The following DLGAP2 variants were observed in gnomAD, a reference collection of about 807,000 sequenced individuals.
The protein encoded by DLGAP2 is disks large-associated protein 2.
Under a neutral mutation model 100.3 loss-of-function variants are expected in DLGAP2, and 26 were observed. That is an observed-to-expected ratio of 0.26 (90% CI 0.19 to 0.36). DLGAP2 has a LOEUF of 0.36. Among genes scored for constraint, DLGAP2 ranks in the 10% least tolerant of loss-of-function variants. The probability of loss-of-function intolerance (pLI) is 1.00; values close to 1 mark genes in which losing one functional copy is unlikely to be tolerated. For synonymous variants in DLGAP2, 886 were observed against 630.1 expected, an observed-to-expected ratio of 1.41 and a Z score of -6.08; for missense variants, 1,858 against 1,453.2, an observed-to-expected ratio of 1.28 and a Z score of -4.53.
At chr8:1,223,129 G>T (rs1467870023) in intron 2 of DLGAP2, among the ~76,000 whole-genome samples, 1 of 152,096 alleles carries the variant, frequency 6.6e-6, no homozygotes, top group African/African-American at 2.4e-5. Flanking sequence ...GTGAAGAGTG[G>T]GCCACTCCAT....
At chr8:1,503,801 G>T (rs185004622) in intron 4 of DLGAP2, among the ~76,000 whole-genome samples, 8 of 152,306 alleles carry the variant, frequency 5.3e-5, no homozygotes, top group African/African-American at 1.9e-4. Flanking sequence ...GCTCTGGAAA[G>T]AAGGAAATGA....
chr8:1,236,960 C>G (rs868699685), intron 2 of DLGAP2, among the ~76,000 whole-genome samples: 1 of 134,788 alleles, frequency 7.4e-6, no homozygotes. Flanking sequence ...GTGTCTAGTT[C>G]TCTCACATGG....
intron 2 of DLGAP2, among the ~76,000 whole-genome samples, chr8:917,772 G>T (rs375650664): frequency 1.4e-4 from 22 of 151,940 alleles, no homozygotes; most frequent in African/African-American, 5.1e-4. Context: ...GTAGAGATTG[G>T]GTTTCACCGT....
At chr8:1,161,061 A>G (rs1027092486) in intron 2 of DLGAP2, among the ~76,000 whole-genome samples, 1 of 152,248 alleles carries the variant, frequency 6.6e-6, no homozygotes, top group African/African-American at 2.4e-5. Context: ...AAAAATTGAT[A>G]AGACACTTTG....
At chr8:1,005,134 T>C (rs969019853) in intron 2 of DLGAP2, among the ~76,000 whole-genome samples, 1 of 152,232 alleles carries the variant, frequency 6.6e-6, no homozygotes, top group African/African-American at 2.4e-5. Context: ...GTAGTGTCAC[T>C]GGTGCATCTA....
At chr8:1,603,075 C>T (rs1233791489) in intron 6 of DLGAP2, among the ~76,000 whole-genome samples, 11 of 140,956 alleles carry the variant, frequency 7.8e-5, no homozygotes, top group South Asian at 2.4e-4. Flanking sequence ...AGGGTGGAAG[C>T]TGGGTCTCAG....
At chr8:1,321,620 T>C (rs1563081987) in intron 3 of DLGAP2, among the ~76,000 whole-genome samples, 1 of 152,364 alleles carries the variant, frequency 6.6e-6, no homozygotes, top group Non-Finnish European at 1.5e-5. Context: ...GGATACTTTT[T>C]TTCATTTTCA....
At chr8:1,382,333 C>T (rs1796116246) in intron 3 of DLGAP2, among the ~76,000 whole-genome samples, 3 of 152,238 alleles carry the variant, frequency 2.0e-5, no homozygotes, top group African/African-American at 7.2e-5. Flanking sequence ...AGGGGTTGTT[C>T]CCACAGTCTC....
At chr8:1,213,886 C>A (rs1359714679) in intron 2 of DLGAP2, among the ~76,000 whole-genome samples, 1 of 152,214 alleles carries the variant, frequency 6.6e-6, no homozygotes, top group African/African-American at 2.4e-5. Context: ...TCCGCCCCAT[C>A]ACTCGGGTCC....
chr8:1,614,743 T>A (rs1218590446), intron 6 of DLGAP2, among the ~76,000 whole-genome samples: 2 of 152,220 alleles, frequency 1.3e-5, no homozygotes, highest in Admixed American at 6.5e-5. Flanking sequence ...TAAAATGTAA[T>A]AATGGGGAGT....
rs756564381 is a variant in DLGAP2 at position 1,701,397 on chromosome 8, C to G, written c.3159C>G (p.Thr1053=). ...AGATCTACATCCCCGAGGCCCAGAC[C>G]CGGCTCTGAGGGCGGAGGCCGGCGC... ...SIEIYIPEAQ[T]RL The change falls in exon 15 of 15, where the codon ACC becomes ACG. Residue 1053 remains threonine, a synonymous_variant. Transcript: ENST00000637795. The G allele has an allele frequency of 6.3e-7, 1 of 1,590,738 alleles. No homozygotes were observed. Among genetic ancestry groups the G allele is most frequent in the Admixed American group, 1.8e-5 (1 of 57,106 alleles).
At chr8:1,192,165 G>C (rs1318522510) in intron 2 of DLGAP2, among the ~76,000 whole-genome samples, 1 of 152,304 alleles carries the variant, frequency 6.6e-6, no homozygotes, top group South Asian at 2.1e-4. Context: ...TGGGCTTGGA[G>C]CTGTGGGTGG....
At chr8:1,167,700 A>C (rs1293765093) in intron 2 of DLGAP2, among the ~76,000 whole-genome samples, 1 of 152,200 alleles carries the variant, frequency 6.6e-6, no homozygotes, top group Non-Finnish European at 1.5e-5. Flanking sequence ...GTTTATGGAA[A>C]TCTGGAACTT....
chr8:1,101,023 C>G (rs974129796), intron 2 of DLGAP2, among the ~76,000 whole-genome samples: 2 of 152,202 alleles, frequency 1.3e-5, no homozygotes, highest in Non-Finnish European at 2.9e-5. Context: ...ATGCTGGTCC[C>G]ACGTGGGGTT....
intron 2 of DLGAP2, among the ~76,000 whole-genome samples, chr8:1,108,412 C>T (rs565850392): frequency 2.6e-5 from 4 of 152,292 alleles, no homozygotes; most frequent in East Asian, 3.9e-4. Context: ...TGATTGAAGC[C>T]GTCATGTAAG....
intron 4 of DLGAP2, among the ~76,000 whole-genome samples, chr8:1,507,489 C>T (rs894829355): frequency 1.3e-5 from 2 of 152,180 alleles, no homozygotes; most frequent in African/African-American, 2.4e-5. Context: ...CGCGCTGGCC[C>T]ATGAGCCCAC....
At chr8:1,271,804 TTTTA>T (rs1563054298) in intron 3 of DLGAP2, among the ~76,000 whole-genome samples, 1 of 152,132 alleles carries the variant, frequency 6.6e-6, no homozygotes, top group Non-Finnish European at 1.5e-5. Flanking sequence ...TCTTTTTAAT[TTTTA>T]TTTATTTATG....
At chr8:1,577,870 C>A (rs941363111) in intron 6 of DLGAP2, among the ~76,000 whole-genome samples, 3 of 152,212 alleles carry the variant, frequency 2.0e-5, no homozygotes, top group Admixed American at 1.3e-4. Context: ...CCCCGCAAGT[C>A]CTGAGCCCCG....
intron 11 of DLGAP2, 98 bp downstream of exon 11, chr8:1,676,716 C>A: frequency 8.2e-7 from 1 of 1,225,974 alleles, no homozygotes; most frequent in Non-Finnish European, 1.2e-6. Flanking sequence ...CTCAATCATG[C>A]CTGTCCTTGT....
Sources: gnomAD v4.1 joint callset for allele counts (sites outside exome capture counted in the v4.1 genomes callset) on GRCh38, gnomAD v4.1.1 for gene constraint, MANE v1.5 for transcripts, NCBI Gene and HGNC (gene_info 2026-07-23, HGNC 2026-07-21) for gene names.